CYP27A1: variants seen among roughly 807,000 people sequenced by gnomAD.
The protein encoded by CYP27A1 is sterol 26-hydroxylase, mitochondrial.
In CYP27A1, 46 loss-of-function variants were observed where a neutral mutation model predicts 58.2. That is an observed-to-expected ratio of 0.79 (90% CI 0.62 to 1.01). The LOEUF (loss-of-function observed/expected upper bound fraction) is 1.01. Among genes scored for constraint, CYP27A1 ranks in the 50% least tolerant of loss-of-function variants. CYP27A1 has a pLI of 0.00. For synonymous variants in CYP27A1, 274 were observed against 285.1 expected (o/e 0.96, Z 0.39); for missense variants, 704 against 687.0 (o/e 1.02, Z -0.28).
At chr2:218,783,407 G>C (rs1450574857) in intron 1 of CYP27A1, among the ~76,000 whole-genome samples, 1 of 152,280 alleles carries the variant, frequency 6.6e-6, no homozygotes, top group East Asian at 1.9e-4. Context: ...ACAGCTCACT[G>C]CTCACTGACA....
rs1337764272 is a variant in CYP27A1 at position 218,814,590 on chromosome 2, G to T, written c.1309G>T (p.Ala437Ser). 2.0e-5 allele frequency: 33 copies of T among 1,614,088 alleles called. No individual in the cohort carries two copies. Among genetic ancestry groups the T allele is most frequent in the Non-Finnish European group, 2.7e-5 (32 of 1,180,028 alleles). ...CTATGTGGTGTCCCGGGACCCCACT[G>T]CCTTCTCTGAGCCTGAAAGCTTCCA... ...CHYVVSRDPT[A>S]FSEPESFQPH... The change falls in exon 8 of 9, where the codon GCC becomes TCC. Residue 437 changes from alanine (A) to serine (S), a missense_variant. By Grantham distance (99) the Ala-to-Ser change is moderately conservative. Transcript: ENST00000258415.
In CYP27A1 at chr2:218,814,449, C is replaced by T. The variant is rs779041544; in HGVS notation, c.1254C>T (p.Phe418=). The change falls in exon 7 of 9, where the codon TTC becomes TTT. Residue 418 remains phenylalanine (F), a synonymous_variant. Coordinates refer to ENST00000258415, the MANE Select transcript of CYP27A1 (RefSeq NM_000784.4). Reference sequence around the variant, plus strand: ...AAATTGAAGTTGATGGCTTCCTCTTCCCCAAGAACGTGAGTGGGGCTAGAG... The same window carrying T: ...AAATTGAAGTTGATGGCTTCCTCTTTCCCAAGAACGTGAGTGGGGCTAGAG... ...EKEIEVDGFL[F]PKNTQFVFCH... 4.3e-6 allele frequency: 7 copies of T among 1,614,116 alleles called. No individual in the cohort carries two copies. The highest frequency in any genetic ancestry group is 5.9e-6 in the Non-Finnish European group (7 of 1,180,030).
chr2:218,795,474 G>A (rs751138403), intron 1 of CYP27A1, among the ~76,000 whole-genome samples: 1 of 152,168 alleles, frequency 6.6e-6, no homozygotes, highest in Non-Finnish European at 1.5e-5. Context: ...TTGGGTGCAT[G>A]GTGCTTGGTT....
At chr2:218,792,595 G>T (rs776944885) in intron 1 of CYP27A1, among the ~76,000 whole-genome samples, 1 of 151,930 alleles carries the variant, frequency 6.6e-6, no homozygotes, top group Non-Finnish European at 1.5e-5. Flanking sequence ...AGGATTTTGC[G>T]TGTTTGTGAA....
intron 1 of CYP27A1, among the ~76,000 whole-genome samples, chr2:218,794,168 T>C (rs1298642666): frequency 6.6e-6 from 1 of 152,156 alleles, no homozygotes; most frequent in African/African-American, 2.4e-5. Context: ...CGGGTAAACC[T>C]CCCGAGGCTC....
At chr2:218,799,469 G>A (rs562246346) in intron 1 of CYP27A1, among the ~76,000 whole-genome samples, 3 of 152,076 alleles carry the variant, frequency 2.0e-5, no homozygotes, top group South Asian at 2.1e-4. Flanking sequence ...CTCGGGATGC[G>A]GCCATACCAA....
At chr2:218,802,330 T>TAA (rs1943608175) in intron 1 of CYP27A1, among the ~76,000 whole-genome samples, 3 of 97,540 alleles carry the variant, frequency 3.1e-5, no homozygotes, top group African/African-American at 4.5e-5. Flanking sequence ...AAAAAGAAAA[T>TAA]TAAAAAAAAA....
rs1423345815 is a variant in CYP27A1 at position 218,782,248 on chromosome 2, C to T, written c.66C>T (p.Pro22=). 3 of 1,552,500 alleles carry T rather than the reference C, an allele frequency of 1.9e-6. No homozygotes were observed. Among genetic ancestry groups the T allele is most frequent in the Non-Finnish European group, 2.6e-6 (3 of 1,150,096 alleles). The change falls in exon 1 of 9, where the codon CCC becomes CCT. Residue 22 remains proline (P), a synonymous_variant. Transcript: ENST00000258415. The surrounding 1 kb of genome is among the most constrained non-coding windows in gnomAD (Gnocchi z 4.1). Reference sequence around the variant, plus strand: ...GAGGGGCCGGCCGTGGCCTCTGCCCCCACGGGGCCAGAGCCAAGGCCGCGA... The same window carrying T: ...GAGGGGCCGGCCGTGGCCTCTGCCCTCACGGGGCCAGAGCCAAGGCCGCGA... ...ALRGAGRGLC[P]HGARAKAAIP...
intron 1 of CYP27A1, among the ~76,000 whole-genome samples, chr2:218,805,413 A>T: frequency 6.6e-6 from 1 of 152,192 alleles, no homozygotes; most frequent in East Asian, 1.9e-4. Flanking sequence ...ACAATTTGGG[A>T]TGTCATAAAG....
intron 1 of CYP27A1, among the ~76,000 whole-genome samples, chr2:218,795,944 C>G (rs1943543683): frequency 6.6e-6 from 1 of 152,046 alleles, no homozygotes; most frequent in Admixed American, 6.6e-5. Context: ...CAGATAAGAC[C>G]TTTTAAAGCT....
chr2:218,785,057 C>T (rs1239445606), intron 1 of CYP27A1, among the ~76,000 whole-genome samples: 1 of 152,108 alleles, frequency 6.6e-6, no homozygotes, highest in Non-Finnish European at 1.5e-5. Flanking sequence ...AATAATTATG[C>T]AACTCACCAT....
At chr2:218,793,289 T>A (rs1365898519) in intron 1 of CYP27A1, among the ~76,000 whole-genome samples, 1 of 152,186 alleles carries the variant, frequency 6.6e-6, no homozygotes, top group Admixed American at 6.5e-5. Flanking sequence ...TTGGCCAGGC[T>A]GGTCTTAAAC....
intron 1 of CYP27A1, among the ~76,000 whole-genome samples, chr2:218,796,769 A>G (rs890084461): frequency 6.6e-6 from 1 of 152,236 alleles, no homozygotes; most frequent in Non-Finnish European, 1.5e-5. Context: ...AAACAAAACA[A>G]GGATCAGCAG....
chr2:218,791,230 G>A (rs1176911556), intron 1 of CYP27A1, among the ~76,000 whole-genome samples: 1 of 152,176 alleles, frequency 6.6e-6, no homozygotes, highest in Non-Finnish European at 1.5e-5. Flanking sequence ...AAGACCTCCT[G>A]GCAATGATCT....
At position 218,814,419 on chromosome 2, in the gene CYP27A1, A is replaced by T; in HGVS notation, c.1224A>T (p.Glu408Asp). The change falls in exon 7 of 9, where the codon GAA becomes GAT. Residue 408 changes from glutamate to aspartate, a missense_variant. Glu to Asp is a conservative substitution (Grantham distance 45). Coordinates refer to ENST00000258415, the MANE Select transcript of CYP27A1 (RefSeq NM_000784.4). ...TCCCCACAAACTCCCGGATCATAGAAAAGGAAATTGAAGTTGATGGCTTCC... is the reference window on the plus strand; with the variant it reads ...TCCCCACAAACTCCCGGATCATAGATAAGGAAATTGAAGTTGATGGCTTCC... ...PVVPTNSRII[E>D]KEIEVDGFLF... 1 of 1,614,250 alleles carries T rather than the reference A, an allele frequency of 6.2e-7. No homozygotes were observed. Among genetic ancestry groups the T allele is most frequent in the Non-Finnish European group, 8.5e-7 (1 of 1,180,032 alleles).
At chr2:218,799,288 A>C (rs917757181) in intron 1 of CYP27A1, among the ~76,000 whole-genome samples, 2 of 152,236 alleles carry the variant, frequency 1.3e-5, no homozygotes, top group Non-Finnish European at 1.5e-5. Flanking sequence ...TTCACTTATC[A>C]GACCTTGCTG....
At position 218,813,001 on chromosome 2, in the gene CYP27A1, T is replaced by A. The variant is rs1943740758; in HGVS notation, c.922T>A (p.Ser308Thr). Residue 308 changes from serine (S) to threonine (T), a missense_variant, in exon 5 of 9, where the codon TCT (serine) becomes ACT (threonine). By Grantham distance (58) the Ser-to-Thr change is moderately conservative. Transcript: ENST00000258415. ...AGCAGGGCCAGATGGCATCCAGGTG[T>A]CTGGCTACCTGCACTTCTTACTGGC... ...QAAGPDGIQV[S>T]GYLHFLLASG... The A allele has an allele frequency of 6.2e-7, 1 of 1,614,086 alleles. No homozygotes were observed. Among genetic ancestry groups the A allele is most frequent in the Non-Finnish European group, 8.5e-7 (1 of 1,180,022 alleles).
intron 1 of CYP27A1, among the ~76,000 whole-genome samples, chr2:218,808,917 G>A (rs1375099344): frequency 6.6e-6 from 1 of 151,966 alleles, no homozygotes. Context: ...TACATAACAT[G>A]GCCAGTACTT....
Position 218,814,081 on chromosome 2 carries a change from G to T in CYP27A1, c.1078G>T (p.Ala360Ser). 1 of 1,614,254 alleles carries T rather than the reference G, an allele frequency of 6.2e-7. No individual in the cohort carries two copies. The change falls in exon 6 of 9, where the codon GCC (alanine) becomes TCC (serine). Residue 360 changes from alanine to serine, a missense_variant. Ala to Ser is a moderately conservative substitution (Grantham distance 99). Coordinates refer to ENST00000258415, the MANE Select transcript of CYP27A1 (RefSeq NM_000784.4). ...CTCAAAGGACCCTGAGATCCAGGAG[G>T]CCTTGCACGAGGAAGTGGTGGGTGT... ...HLSKDPEIQE[A>S]LHEEVVGVVP... is the part of the protein sequence containing the mutation.
Sources: allele counts gnomAD v4.1 joint callset (sites outside exome capture counted in the v4.1 genomes callset), GRCh38; gene constraint gnomAD v4.1.1; non-coding constraint Gnocchi (gnomAD v3.1); transcripts MANE v1.5; gene names NCBI Gene and HGNC (gene_info 2026-07-23, HGNC 2026-07-21).